The following U2AF2 variants were observed in gnomAD, a reference collection of about 807,000 sequenced individuals.
U2AF2 encodes U2 small nuclear RNA auxiliary factor 2.
U2AF2 carries 6 observed loss-of-function variants against 52.6 expected under a neutral mutation model. The ratio of observed to expected loss-of-function variants is 0.11; its 90% CI spans 0.06 to 0.23. The LOEUF (loss-of-function observed/expected upper bound fraction) is 0.23. Among genes scored for constraint, U2AF2 ranks in the 10% least tolerant of loss-of-function variants. U2AF2 has a pLI of 1.00. For synonymous variants in U2AF2, 284 were observed against 258.2 expected (o/e 1.10, Z -0.96); for missense variants, 222 against 677.1 (o/e 0.33, Z 7.46).
chr19:55,668,614 G>GGC lies in U2AF2; in HGVS notation c.822+28_822+29insGC. 7.6e-7 allele frequency: 1 copy of GGC among 1,324,212 alleles called. No homozygotes were observed. The highest frequency in any genetic ancestry group is 1.1e-6 in the Non-Finnish European group (1 of 945,488). 82.0% of individuals were successfully genotyped at this position (1,324,212 alleles called of 1,614,324 possible). ...AACTTCCCTGCCTCCCTCCAGACCC[G>GGC]TCCCCCCACCCCGCCCCACCTCATC... is the stretch of plus-strand genomic sequence containing the variant. On this transcript the variant is annotated intron_variant, in intron 8 of 11. Coordinates refer to ENST00000308924, the MANE Select transcript of U2AF2 (RefSeq NM_007279.3). This position sits in a 1 kb window ranked among gnomAD's most constrained non-coding sequence, Gnocchi z 5.5.
chr19:55,670,531 T>TCCGTGCA, intron 11 of U2AF2: 1 of 328,638 alleles, frequency 3.0e-6, no homozygotes, highest in Non-Finnish European at 6.1e-6. Flanking sequence ...CACCCTGCTG[T>TCCGTGCA]CCCTGCACCC....
intron 6 of U2AF2, 128 bp from the exon 7 acceptor site, chr19:55,663,478 G>A (rs1407928882): frequency 1.4e-6 from 2 of 1,430,782 alleles, no homozygotes; most frequent in Non-Finnish European, 1.9e-6. Flanking sequence ...CCAGTGCCCA[G>A]CCTGGGGCCT....
chr19:55,669,961 G>A (rs1024480806), intron 11 of U2AF2, among the ~76,000 whole-genome samples: 1 of 152,184 alleles, frequency 6.6e-6, no homozygotes, highest in Non-Finnish European at 1.5e-5. Context: ...AGTAGTTGGG[G>A]AATGTAGCTC....
chr19:55,673,487 TA>T (rs1244583819), intron 11 of U2AF2, among the ~76,000 whole-genome samples: 9 of 152,268 alleles, frequency 5.9e-5, no homozygotes, highest in African/African-American at 2.2e-4. Flanking sequence ...TTCAAGTTTT[TA>T]AATTTTATTC....
chr19:55,659,085 A>G, intron 1 of U2AF2, 125 bp from the exon 2 acceptor site: 5 of 1,338,030 alleles, frequency 3.7e-6, no homozygotes, highest in Non-Finnish European at 4.8e-6. Flanking sequence ...CCCTTCCTCC[A>G]TTGAATCCCT....
intron 1 of U2AF2, among the ~76,000 whole-genome samples, chr19:55,656,292 A>G (rs1983790790): frequency 1.3e-5 from 2 of 152,344 alleles, no homozygotes; most frequent in Non-Finnish European, 2.9e-5. Flanking sequence ...ATGAGGGCTG[A>G]GGAATTTTCC....
chr19:55,668,807 G>C lies in U2AF2; in HGVS notation c.945+15G>C. The C allele has an allele frequency of 6.2e-7, 1 of 1,603,782 alleles. No individual in the cohort carries two copies. The highest frequency in any genetic ancestry group is 1.7e-5 in the Admixed American group (1 of 59,654). Reference sequence around the variant, plus strand: ...TCACGGATCAGGTGAGTCCCCGGTCGCTGGCCGCTGCCGCGTCTGTCCTTC... The same window carrying C: ...TCACGGATCAGGTGAGTCCCCGGTCCCTGGCCGCTGCCGCGTCTGTCCTTC... On this transcript the variant is annotated intron_variant, in intron 9 of 11. Coordinates refer to ENST00000308924, the MANE Select transcript of U2AF2 (RefSeq NM_007279.3). This position sits in a 1 kb window ranked among gnomAD's most constrained non-coding sequence, Gnocchi z 5.5.
At chr19:55,672,344 T>C (rs1984975074) in intron 11 of U2AF2, among the ~76,000 whole-genome samples, 1 of 152,108 alleles carries the variant, frequency 6.6e-6, no homozygotes. Flanking sequence ...CCCCCCTCCT[T>C]TTTCTTTGCT....
chr19:55,667,096 G>C (rs183898724), intron 7 of U2AF2, among the ~76,000 whole-genome samples: 1 of 152,176 alleles, frequency 6.6e-6, no homozygotes, highest in African/African-American at 2.4e-5. Flanking sequence ...CCTGGGGTCT[G>C]TGTGGCCCCA....
chr19:55,659,119 G>T, intron 1 of U2AF2, 91 bp from the exon 2 acceptor site: 1 of 1,391,602 alleles, frequency 7.2e-7, no homozygotes. Flanking sequence ...GGCCTCCCTG[G>T]GGCTTGGGAC....
intron 5 of U2AF2, chr19:55,661,656 C>T (rs563128615): frequency 6.2e-6 from 1 of 162,100 alleles, no homozygotes; most frequent in African/African-American, 2.4e-5. Flanking sequence ...TTTTGATCGC[C>T]CCTGACCTCC....
At chr19:55,666,341 TG>T (rs1187456112) in intron 7 of U2AF2, among the ~76,000 whole-genome samples, 1 of 152,232 alleles carries the variant, frequency 6.6e-6, no homozygotes, top group Non-Finnish European at 1.5e-5. Flanking sequence ...TGCAGAGGTA[TG>T]GGGCCCTGTT....
intron 1 of U2AF2, among the ~76,000 whole-genome samples, chr19:55,657,148 C>T (rs1172471713): frequency 6.6e-6 from 1 of 152,238 alleles, no homozygotes; most frequent in Non-Finnish European, 1.5e-5. Context: ...TGGTGCTTCA[C>T]CGGTTCTCCC....
At chr19:55,657,399 C>T (rs942769167) in intron 1 of U2AF2, among the ~76,000 whole-genome samples, 6 of 152,190 alleles carry the variant, frequency 3.9e-5, no homozygotes, top group Non-Finnish European at 5.9e-5. Flanking sequence ...CTGTACGTGT[C>T]GCCTTCTGCT....
At chr19:55,661,009 GT>G (rs1215566232) in intron 4 of U2AF2, 28 bp from the exon 5 acceptor site, 1 of 1,556,802 alleles carries the variant, frequency 6.4e-7, no homozygotes, top group Non-Finnish European at 8.8e-7. Flanking sequence ...CCCTGATGGG[GT>G]TTTATCCGGC....
At chr19:55,669,789 C>A in intron 11 of U2AF2, 97 bp downstream of exon 11, 1 of 1,450,422 alleles carries the variant, frequency 6.9e-7, no homozygotes, top group Non-Finnish European at 9.1e-7. Flanking sequence ...CTCTCCCCCT[C>A]CTCTTCTCCG....
Position 55,674,050 on chromosome 19 carries a change from C to T in U2AF2, c.1410C>T (p.His470=), listed in dbSNP as rs963432283. 1.2e-6 allele frequency: 2 copies of T among 1,612,240 alleles called. No individual in the cohort carries two copies. Among genetic ancestry groups the T allele is most frequent in the Non-Finnish European group, 1.7e-6 (2 of 1,178,990 alleles). The change falls in exon 12 of 12, where the codon CAC becomes CAT. Residue 470 remains histidine, a synonymous_variant. Coordinates refer to ENST00000308924, the MANE Select transcript of U2AF2 (RefSeq NM_007279.3). ...AATACTGTGACCCCGACTCTTATCACCGCCGGGACTTCTGGTAGAGGCGGC... is the reference window on the plus strand; with the variant it reads ...AATACTGTGACCCCGACTCTTATCATCGCCGGGACTTCTGGTAGAGGCGGC... The part of the protein sequence containing the change: ...VTKYCDPDSY[H]RRDFW
chr19:55,669,735 T>C (rs764773462), intron 11 of U2AF2, 43 bp downstream of exon 11: 1 of 1,541,746 alleles, frequency 6.5e-7, no homozygotes, highest in Non-Finnish European at 8.8e-7. Flanking sequence ...CCTCTGCCCC[T>C]CCTCTTCTCC....
At chr19:55,658,900 A>G (rs991407976) in intron 1 of U2AF2, 3 of 300,036 alleles carry the variant, frequency 1.0e-5, no homozygotes, top group Non-Finnish European at 1.8e-5. Context: ...CCCTGGGGTC[A>G]GGCCCCTCAG....
Sources: allele counts gnomAD v4.1 joint callset (sites outside exome capture counted in the v4.1 genomes callset), GRCh38; gene constraint gnomAD v4.1.1; non-coding constraint Gnocchi (gnomAD v3.1); transcripts MANE v1.5; gene names NCBI Gene and HGNC (gene_info 2026-07-23, HGNC 2026-07-21).